KCTD5: variants seen among roughly 807,000 people sequenced by gnomAD.
The protein encoded by KCTD5 is potassium channel tetramerization domain containing 5.
Under a neutral mutation model 27.9 loss-of-function variants are expected in KCTD5, and 12 were observed. That is an observed-to-expected ratio of 0.43 (90% CI 0.28 to 0.70). The LOEUF (loss-of-function observed/expected upper bound fraction) is 0.70. KCTD5 is among the 30% of genes least tolerant of loss of function. The probability of loss-of-function intolerance (pLI) is 0.19; values close to 1 mark genes in which losing one functional copy is unlikely to be tolerated. For synonymous variants in KCTD5, 147 were observed against 121.4 expected, an observed-to-expected ratio of 1.21 and a Z score of -1.39; for missense variants, 226 against 274.8, an observed-to-expected ratio of 0.82 and a Z score of 1.26.
At position 2,699,227 on chromosome 16, in the gene KCTD5, G is replaced by C. The variant is rs182015467; in HGVS notation, c.454-594G>C. The C allele has an allele frequency of 8.0e-4, 363 of 456,046 alleles. 1 individual carries two copies. In the East Asian group the frequency reaches 0.019, roughly 24 times the overall value. The allele number at this position is 456,046 out of a possible 1,614,324, so 28.2% of individuals were successfully genotyped here. On this transcript the variant is annotated intron_variant, in intron 3 of 5. Coordinates refer to ENST00000301738, the MANE Select transcript of KCTD5 (RefSeq NM_018992.4). ...GGGCCACCCCGCCCACTGGGGAGCA[G>C]CTCCATGCAGGCGGGCGGCCCTGGT...
intron 5 of KCTD5, among the ~76,000 whole-genome samples, chr16:2,702,682 T>G (rs541485896): frequency 6.6e-6 from 1 of 152,312 alleles, no homozygotes; most frequent in Non-Finnish European, 1.5e-5. Context: ...CCTCCCAGCC[T>G]GCATGCAGAG....
chr16:2,703,551 T>C (rs2067621789), intron 5 of KCTD5, among the ~76,000 whole-genome samples: 1 of 152,198 alleles, frequency 6.6e-6, no homozygotes, highest in Non-Finnish European at 1.5e-5. Context: ...AGCCCAGGAC[T>C]GTCCCCGTGA....
chr16:2,697,711 G>T (rs573644693), intron 2 of KCTD5, among the ~76,000 whole-genome samples, 195 bp from the exon 3 acceptor site: 1 of 152,194 alleles, frequency 6.6e-6, no homozygotes, highest in Non-Finnish European at 1.5e-5. Flanking sequence ...CGGCCCCTCC[G>T]CCCATTATCC....
intron 1 of KCTD5, among the ~76,000 whole-genome samples, chr16:2,691,974 C>T (rs2067568772): frequency 6.6e-6 from 1 of 152,196 alleles, no homozygotes; most frequent in Non-Finnish European, 1.5e-5. Flanking sequence ...CTGGGGCGTG[C>T]GGTTCCCACA....
chr16:2,699,759 G>T, intron 3 of KCTD5, 62 bp from the exon 4 acceptor site: 1 of 1,504,558 alleles, frequency 6.6e-7, no homozygotes, highest in Non-Finnish European at 9.2e-7. Flanking sequence ...ACCTGGGCTG[G>T]GGCCACAGGC....
intron 3 of KCTD5, 136 bp from the exon 4 acceptor site, chr16:2,699,685 G>T: frequency 1.4e-6 from 1 of 699,176 alleles, no homozygotes. Context: ...GATGTGCTCA[G>T]GATTGCTTTG....
At chr16:2,688,615 C>T (rs898519123) in intron 1 of KCTD5, among the ~76,000 whole-genome samples, 5 of 140,714 alleles carry the variant, frequency 3.6e-5, no homozygotes, top group African/African-American at 1.4e-4. Flanking sequence ...TAATGTCGAC[C>T]TCTGGCCACA....
At chr16:2,703,761 C>T (rs898843648) in intron 5 of KCTD5, among the ~76,000 whole-genome samples, 12 of 152,266 alleles carry the variant, frequency 7.9e-5, no homozygotes, top group South Asian at 2.1e-4. Flanking sequence ...TGCCGTTCCT[C>T]GAGGCCGAGG....
At chr16:2,705,092 T>C (rs139943939) in intron 5 of KCTD5, among the ~76,000 whole-genome samples, 2,055 of 152,300 alleles carry the variant, frequency 0.013, 44 homozygotes, top group African/African-American at 0.043. Context: ...CGCACTGTCC[T>C]GACAGCCTGT....
At chr16:2,687,466 A>G (rs965541838) in intron 1 of KCTD5, among the ~76,000 whole-genome samples, 2 of 152,126 alleles carry the variant, frequency 1.3e-5, no homozygotes, top group African/African-American at 4.8e-5. Context: ...CAGGGCAGTG[A>G]CTAGTCTTGG....
intron 5 of KCTD5, among the ~76,000 whole-genome samples, chr16:2,705,239 G>A (rs1009744613): frequency 6.6e-6 from 1 of 152,130 alleles, no homozygotes; most frequent in Non-Finnish European, 1.5e-5. Flanking sequence ...GCTGACCCTT[G>A]CCACAGACCC....
chr16:2,698,144 G>T (rs932961922), intron 3 of KCTD5, 147 bp downstream of exon 3: 7 of 617,260 alleles, frequency 1.1e-5, no homozygotes, highest in Non-Finnish European at 2.0e-5. Context: ...CACTGCCCCA[G>T]TGCCTGCCAG....
At chr16:2,702,332 T>G (rs766882747) in intron 4 of KCTD5, 21 bp from the exon 5 acceptor site, 1 of 1,613,218 alleles carries the variant, frequency 6.2e-7, no homozygotes, top group Non-Finnish European at 8.5e-7. Flanking sequence ...GGGCTGCGTC[T>G]CAGGCTATGT....
chr16:2,691,528 C>T (rs2067566603), intron 1 of KCTD5, among the ~76,000 whole-genome samples: 1 of 152,190 alleles, frequency 6.6e-6, no homozygotes, highest in Admixed American at 6.5e-5. Flanking sequence ...CAGCTGCAGG[C>T]CCGGCGCGCC....
intron 1 of KCTD5, among the ~76,000 whole-genome samples, chr16:2,693,342 C>T (rs899797605): frequency 4.6e-5 from 7 of 152,202 alleles, no homozygotes; most frequent in African/African-American, 9.7e-5. Context: ...CTGGCATCAC[C>T]GCACTGGGCC....
At chr16:2,702,576 C>T (rs2067617196) in intron 5 of KCTD5, 98 bp downstream of exon 5, 1 of 1,469,246 alleles carries the variant, frequency 6.8e-7, no homozygotes, top group Non-Finnish European at 9.1e-7. Context: ...CATCAAGCTC[C>T]CGGTGTCCGC....
intron 1 of KCTD5, chr16:2,684,623 G>C (rs1398858303): frequency 5.3e-5 from 8 of 152,200 alleles, no homozygotes; most frequent in Admixed American, 4.6e-4. Flanking sequence ...AAATGAGCCA[G>C]GCGCGGTGGC....
At chr16:2,688,228 A>AATAAATAAATAT (rs1555454256) in intron 1 of KCTD5, among the ~76,000 whole-genome samples, 1 of 84,630 alleles carries the variant, frequency 1.2e-5, no homozygotes, top group African/African-American at 4.1e-5. Flanking sequence ...TAAATAAATA[A>AATAAATAAATAT]ATATATATAT....
At chr16:2,699,965 G>A (rs1392770140) in intron 4 of KCTD5, 49 bp downstream of exon 4, 1 of 1,542,442 alleles carries the variant, frequency 6.5e-7, no homozygotes, top group Non-Finnish European at 9.0e-7. Context: ...AGCTGAACTT[G>A]TGCTCACAAT....
Sources: allele counts gnomAD v4.1 joint callset (sites outside exome capture counted in the v4.1 genomes callset), GRCh38; gene constraint gnomAD v4.1.1; transcripts MANE v1.5; gene names NCBI Gene and HGNC (gene_info 2026-07-23, HGNC 2026-07-21).